DPP10: variants seen among roughly 807,000 people sequenced by gnomAD.
The protein encoded by DPP10 is dipeptidyl peptidase like 10.
A neutral mutation model predicts 120.9 loss-of-function variants in DPP10; 33 were observed. That is an observed-to-expected ratio of 0.27 (90% CI 0.21 to 0.37). The LOEUF is 0.37. Ranked by LOEUF, DPP10 falls within the 10% of genes least tolerant of loss-of-function variation. The pLI, the probability that DPP10 is intolerant of heterozygous loss-of-function variation, is 1.00. For synonymous variants in DPP10, 337 were observed against 326.1 expected (o/e 1.03, Z -0.36); for missense variants, 816 against 942.8 (o/e 0.87, Z 1.76).
At chr2:115,705,804 C>A (rs552691394) in intron 7 of DPP10, among the ~76,000 whole-genome samples, 1 of 151,924 alleles carries the variant, frequency 6.6e-6, no homozygotes, top group Admixed American at 6.6e-5. Flanking sequence ...CTTTTAGTTG[C>A]AGGGTATAAA....
intron 1 of DPP10, among the ~76,000 whole-genome samples, chr2:114,912,344 C>T (rs1335162266): frequency 6.6e-6 from 1 of 152,050 alleles, no homozygotes; most frequent in Admixed American, 6.5e-5. Context: ...CTGCCTTGTA[C>T]GATGACATCT....
intron 1 of DPP10, among the ~76,000 whole-genome samples, chr2:114,812,978 G>A (rs961394824): frequency 1.3e-5 from 2 of 152,180 alleles, no homozygotes; most frequent in Admixed American, 1.3e-4. Flanking sequence ...GGGCAACAGT[G>A]TTGAATTACG....
Position 115,381,106 on chromosome 2 carries a change from C to G in DPP10, c.271+37194C>G, listed in dbSNP as rs918130123. Among the ~76,000 whole-genome samples the G allele has an allele frequency of 4.6e-5, 7 of 152,310 alleles. No individual in the cohort carries two copies. The South Asian group carries it at 1.5e-3, about 32-fold the overall frequency. On this transcript the variant is annotated intron_variant, in intron 3 of 25. Coordinates refer to ENST00000410059, the MANE Select transcript of DPP10 (RefSeq NM_020868.6). Reference sequence around the variant, plus strand: ...TGAATCTGAATGTTGGCCTGCCTTGCTAAATTGGGGAAATTCTCCTGGATA... The same window carrying G: ...TGAATCTGAATGTTGGCCTGCCTTGGTAAATTGGGGAAATTCTCCTGGATA...
intron 11 of DPP10, among the ~76,000 whole-genome samples, chr2:115,755,360 A>G (rs1395226650): frequency 1.3e-5 from 2 of 152,102 alleles, no homozygotes; most frequent in Non-Finnish European, 2.9e-5. Flanking sequence ...AGAAATAAAT[A>G]CATGTGTTTA....
chr2:114,916,917 A>G (rs189173233), intron 1 of DPP10, among the ~76,000 whole-genome samples: 9 of 152,158 alleles, frequency 5.9e-5, no homozygotes, highest in African/African-American at 1.2e-4. Context: ...GCAAGACAAG[A>G]ATGCCCACGC....
intron 5 of DPP10, among the ~76,000 whole-genome samples, chr2:115,652,409 ATGTGTGTGTG>A (rs71394158): frequency 3.4e-5 from 5 of 145,490 alleles, no homozygotes; most frequent in African/African-American, 7.9e-5. Flanking sequence ...TAGGATATAT[ATGTGTGTGTG>A]TGTGTGTGTG....
intron 1 of DPP10, among the ~76,000 whole-genome samples, chr2:115,051,933 G>A (rs1040403715): frequency 3.9e-5 from 6 of 152,106 alleles, no homozygotes; most frequent in African/African-American, 7.2e-5. Flanking sequence ...GTTATACACC[G>A]TGTATGCATA....
intron 5 of DPP10, among the ~76,000 whole-genome samples, chr2:115,597,923 A>C (rs2149202788): frequency 6.6e-6 from 1 of 152,146 alleles, no homozygotes; most frequent in Admixed American, 6.5e-5. Context: ...GAAATCTTTC[A>C]GATTTTTGAA....
rs567151635 is a variant in DPP10 at position 115,601,171 on chromosome 2, T to C, written c.441+75199T>C. 1.9e-4 allele frequency among the ~76,000 whole-genome samples: 29 copies of C among 152,346 alleles called. No homozygotes were observed. In the South Asian group the frequency reaches 5.4e-3, roughly 28 times the overall value. On this transcript the variant is annotated intron_variant, in intron 5 of 25. Transcript: ENST00000410059. Reference sequence around the variant, plus strand: ...AAACTATAGCGGATAGTCATTGTTCTGGTTTGTCAAAGACCACCTTAAAGT... The same window carrying C: ...AAACTATAGCGGATAGTCATTGTTCCGGTTTGTCAAAGACCACCTTAAAGT...
chr2:115,259,484 CAA>C (rs563035188), intron 1 of DPP10, among the ~76,000 whole-genome samples: 15 of 107,508 alleles, frequency 1.4e-4, no homozygotes, highest in South Asian at 3.0e-4. Context: ...AACTTCATCT[CAA>C]AAAAAAAAAA....
intron 1 of DPP10, among the ~76,000 whole-genome samples, chr2:114,767,172 ATAGT>A: frequency 7.1e-6 from 1 of 140,206 alleles, no homozygotes; most frequent in East Asian, 2.1e-4. Context: ...TATCAAGACC[ATAGT>A]TAGACAGCCA....
intron 1 of DPP10, among the ~76,000 whole-genome samples, chr2:114,518,708 C>A (rs1353504689): frequency 1.3e-5 from 2 of 152,200 alleles, no homozygotes; most frequent in African/African-American, 4.8e-5. Context: ...GGAGTCATCA[C>A]CTGCATTTTA....
At chr2:115,146,426 T>C (rs776648813) in intron 1 of DPP10, among the ~76,000 whole-genome samples, 1 of 152,102 alleles carries the variant, frequency 6.6e-6, no homozygotes, top group Non-Finnish European at 1.5e-5. Context: ...TTGAAGTATA[T>C]TTACAAAATC....
chr2:115,827,447 T>TATATATG (rs1388130768), intron 21 of DPP10, among the ~76,000 whole-genome samples: 2 of 126,842 alleles, frequency 1.6e-5, no homozygotes, highest in African/African-American at 2.9e-5. Flanking sequence ...TATATATATA[T>TATATATG]GCTCTACAGT....
chr2:114,813,228 T>G (rs1025056867), intron 1 of DPP10, among the ~76,000 whole-genome samples: 15 of 152,118 alleles, frequency 9.9e-5, no homozygotes, highest in African/African-American at 3.4e-4. Flanking sequence ...GATATACAAT[T>G]TACTGCAAAT....
chr2:115,697,927 A>G (rs2149521718), intron 7 of DPP10, among the ~76,000 whole-genome samples: 1 of 152,268 alleles, frequency 6.6e-6, no homozygotes, highest in Middle Eastern at 3.4e-3. Flanking sequence ...GCTTGCAGTG[A>G]GCCGAGATGT....
At chr2:115,324,272 T>C (rs951305268) in intron 2 of DPP10, among the ~76,000 whole-genome samples, 3 of 152,040 alleles carry the variant, frequency 2.0e-5, no homozygotes, top group Non-Finnish European at 2.9e-5. Flanking sequence ...CGACACTCCG[T>C]CTCAAAAAAA....
chr2:114,951,839 A>T (rs1697810242), intron 1 of DPP10, among the ~76,000 whole-genome samples: 1 of 152,068 alleles, frequency 6.6e-6, no homozygotes, highest in Non-Finnish European at 1.5e-5. Flanking sequence ...ATTGACAACA[A>T]AAAGCATATC....
intron 1 of DPP10, among the ~76,000 whole-genome samples, chr2:115,060,324 G>A (rs1706302657): frequency 6.6e-6 from 1 of 152,068 alleles, no homozygotes; most frequent in East Asian, 1.9e-4. Flanking sequence ...CGTGGGCTGT[G>A]ACTTATGCCT....
Sources: allele counts gnomAD v4.1 joint callset (sites outside exome capture counted in the v4.1 genomes callset), GRCh38; gene constraint gnomAD v4.1.1; transcripts MANE v1.5; gene names NCBI Gene and HGNC (gene_info 2026-07-23, HGNC 2026-07-21).